Variants in ANO10 observed in about 807,000 individuals in gnomAD.
ANO10 encodes the protein anoctamin-10.
ANO10 carries 77 observed loss-of-function variants against 74.7 expected under a neutral mutation model. The observed-to-expected ratio is 1.03, with a 90% CI of 0.86 to 1.25. The LOEUF (loss-of-function observed/expected upper bound fraction) is 1.25, where lower values mean the gene tolerates loss of function less well. Among genes scored for constraint, ANO10 ranks in the 50% most tolerant of loss-of-function variants. The pLI, the probability that ANO10 is intolerant of heterozygous loss-of-function variation, is 0.00. For missense variants in ANO10, 721 were observed against 778.1 expected, an observed-to-expected ratio of 0.93 and a Z score of 0.87; for synonymous variants, 279 against 284.9, an observed-to-expected ratio of 0.98 and a Z score of 0.21.
At chr3:43,668,910 T>G (rs549593259) in intron 1 of ANO10, among the ~76,000 whole-genome samples, 2 of 152,350 alleles carry the variant, frequency 1.3e-5, no homozygotes, top group Non-Finnish European at 2.9e-5. Flanking sequence ...GAGCATTAAT[T>G]ACATTTACAT....
intron 12 of ANO10, among the ~76,000 whole-genome samples, chr3:43,416,982 A>G (rs938423798): frequency 2.6e-5 from 4 of 152,218 alleles, no homozygotes; most frequent in African/African-American, 9.6e-5. Context: ...TAGGATTTTA[A>G]AAGGAAGGTA....
intron 11 of ANO10, among the ~76,000 whole-genome samples, chr3:43,516,600 C>T (rs1029887901): frequency 2.0e-5 from 3 of 152,112 alleles, no homozygotes; most frequent in Non-Finnish European, 4.4e-5. Context: ...ACATATTAGA[C>T]TGGAGAGAAA....
rs939029400 is a variant in ANO10, at chr3:43,504,993, G to A, written c.1797+44727C>T. 3.9e-5 allele frequency among the ~76,000 whole-genome samples: 6 copies of A among 152,212 alleles called. No individual in the cohort carries two copies. In the South Asian group the frequency reaches 1.2e-3, roughly 32 times the overall value. ...TAAAAAATGTATCAACCAGTCCAAA[G>A]TTTCTTTCAAAGAAGATGGTAAAAA... On this transcript the variant is annotated intron_variant, in intron 11 of 12. Coordinates refer to ENST00000292246, the MANE Select transcript of ANO10 (RefSeq NM_018075.5).
At chr3:43,392,809 T>C (rs924951031) in intron 12 of ANO10, among the ~76,000 whole-genome samples, 4 of 152,148 alleles carry the variant, frequency 2.6e-5, no homozygotes, top group African/African-American at 9.7e-5. Context: ...TCTATCCTGG[T>C]TGCTTTTTCA....
At chr3:43,577,905 T>C (rs538013238) in intron 5 of ANO10, among the ~76,000 whole-genome samples, 1 of 152,326 alleles carries the variant, frequency 6.6e-6, no homozygotes, top group East Asian at 1.9e-4. Flanking sequence ...TGACTGCTAA[T>C]GTTCTGTGAA....
chr3:43,477,497 G>A (rs911386985), intron 11 of ANO10, among the ~76,000 whole-genome samples: 1 of 152,128 alleles, frequency 6.6e-6, no homozygotes, highest in East Asian at 1.9e-4. Flanking sequence ...AACAGCTGAC[G>A]TGTTATATTT....
intron 1 of ANO10, among the ~76,000 whole-genome samples, chr3:43,676,020 A>G (rs2084116237): frequency 6.6e-6 from 1 of 152,202 alleles, no homozygotes; most frequent in African/African-American, 2.4e-5. Context: ...AACAACTCAG[A>G]TGTCCTGCAT....
intron 1 of ANO10, among the ~76,000 whole-genome samples, chr3:43,609,404 A>C (rs1680856917): frequency 6.6e-6 from 1 of 152,264 alleles, no homozygotes; most frequent in African/African-American, 2.4e-5. Context: ...CAAGTAAAAC[A>C]GTGCCCAAAT....
At chr3:43,470,596 T>TTTAA (rs1553679593) in intron 11 of ANO10, among the ~76,000 whole-genome samples, 1 of 143,908 alleles carries the variant, frequency 6.9e-6, no homozygotes, top group African/African-American at 2.5e-5. Context: ...CTGGTAATTA[T>TTTAA]TTTATTTATT....
intron 1 of ANO10, among the ~76,000 whole-genome samples, chr3:43,685,899 A>G (rs2084268805): frequency 6.6e-6 from 1 of 152,154 alleles, no homozygotes; most frequent in Non-Finnish European, 1.5e-5. Flanking sequence ...TTGCAGTTTT[A>G]TTGTGCCTTT....
At chr3:43,680,867 C>T (rs1014977080) in intron 1 of ANO10, among the ~76,000 whole-genome samples, 1 of 152,138 alleles carries the variant, frequency 6.6e-6, no homozygotes, top group African/African-American at 2.4e-5. Flanking sequence ...CCTTTACAGA[C>T]AAGCAAATGC....
intron 11 of ANO10, among the ~76,000 whole-genome samples, chr3:43,441,317 CA>C (rs1308938585): frequency 6.6e-6 from 1 of 150,994 alleles, no homozygotes; most frequent in South Asian, 2.1e-4. Flanking sequence ...ACTCATATAC[CA>C]AAAATCAGAA....
intron 11 of ANO10, among the ~76,000 whole-genome samples, chr3:43,514,224 T>C (rs750812462): frequency 2.0e-5 from 3 of 152,040 alleles, no homozygotes; most frequent in Non-Finnish European, 2.9e-5. Context: ...ATACAAGACC[T>C]AATGATATGT....
At chr3:43,563,284 T>C (rs753231328) in intron 8 of ANO10, among the ~76,000 whole-genome samples, 1 of 152,038 alleles carries the variant, frequency 6.6e-6, no homozygotes, top group African/African-American at 2.4e-5. Context: ...CTACTCCAAA[T>C]AGAATTGCTA....
intron 11 of ANO10, among the ~76,000 whole-genome samples, chr3:43,506,750 C>T (rs1352136483): frequency 6.6e-6 from 1 of 152,138 alleles, no homozygotes; most frequent in African/African-American, 2.4e-5. Context: ...ATCACTCACT[C>T]CAGGTCTTAA....
intron 11 of ANO10, among the ~76,000 whole-genome samples, chr3:43,467,301 C>T (rs1210623725): frequency 6.6e-6 from 1 of 152,134 alleles, no homozygotes; most frequent in Admixed American, 6.5e-5. Context: ...CAAGAATGTT[C>T]ACTGCTGCCT....
intron 4 of ANO10, among the ~76,000 whole-genome samples, chr3:43,591,930 A>G (rs1205610268): frequency 6.6e-6 from 1 of 152,152 alleles, no homozygotes; most frequent in Non-Finnish European, 1.5e-5. Context: ...GTCTTAGCAA[A>G]CGGCACACCA....
At chr3:43,386,869 C>T (rs2092136104) in intron 12 of ANO10, among the ~76,000 whole-genome samples, 1 of 151,980 alleles carries the variant, frequency 6.6e-6, no homozygotes, top group Non-Finnish European at 1.5e-5. Flanking sequence ...GTGGGGCTTT[C>T]CTAGGGGCAG....
chr3:43,435,181 G>T (rs1264385822), intron 11 of ANO10, among the ~76,000 whole-genome samples: 2 of 152,192 alleles, frequency 1.3e-5, no homozygotes, highest in Non-Finnish European at 2.9e-5. Flanking sequence ...CAGAGAATGT[G>T]GCTTTTTAAA....
Sources: allele counts gnomAD v4.1 joint callset (sites outside exome capture counted in the v4.1 genomes callset), GRCh38; gene constraint gnomAD v4.1.1; transcripts MANE v1.5; gene names NCBI Gene and HGNC (gene_info 2026-07-23, HGNC 2026-07-21).